LMBR1: variants seen among roughly 807,000 people sequenced by gnomAD.
LMBR1 encodes limb development membrane protein 1.
Under a neutral mutation model 73.9 loss-of-function variants are expected in LMBR1, and 52 were observed. That is an observed-to-expected ratio of 0.70 (90% CI 0.56 to 0.89). LMBR1 has a LOEUF of 0.89. LMBR1 is among the 40% of genes least tolerant of loss of function. LMBR1 has a pLI of 0.00. For missense variants in LMBR1, 539 were observed against 579.8 expected, an observed-to-expected ratio of 0.93 and a Z score of 0.72; for synonymous variants, 215 against 209.4, an observed-to-expected ratio of 1.03 and a Z score of -0.23.
intron 1 of LMBR1, among the ~76,000 whole-genome samples, chr7:156,891,333 A>C (rs1802951345): frequency 6.6e-6 from 1 of 151,294 alleles, no homozygotes; most frequent in Admixed American, 6.6e-5. Context: ...AGTGCCCATC[A>C]ACAGTAAAAT....
At chr7:156,676,604 T>C, downstream of LMBR1, 4 of 1,614,178 alleles carry the variant, frequency 2.5e-6, no homozygotes, top group East Asian at 4.5e-5. Context: ...CTCCTTTCCA[T>C]GCCTGTCCTC....
chr7:156,758,610 T>C (rs559331843), intron 8 of LMBR1, among the ~76,000 whole-genome samples: 2 of 152,252 alleles, frequency 1.3e-5, no homozygotes, highest in East Asian at 1.9e-4. Context: ...TAAAAGAGTA[T>C]GGACCTCTCT....
chr7:156,684,737 G>A (rs914907784), intron 16 of LMBR1, among the ~76,000 whole-genome samples: 2 of 152,206 alleles, frequency 1.3e-5, no homozygotes, highest in Admixed American at 6.5e-5. Flanking sequence ...TGGAAGGATC[G>A]TTTGAGCTGA....
At chr7:156,735,161 G>A (rs1328703182) in intron 9 of LMBR1, among the ~76,000 whole-genome samples, 1 of 152,148 alleles carries the variant, frequency 6.6e-6, no homozygotes, top group Non-Finnish European at 1.5e-5. Flanking sequence ...AGATTGCTGA[G>A]TAGGGTATGA....
rs111554843 is a variant in LMBR1 at position 156,683,978 on chromosome 7, A to C, written c.*100T>G. Reference sequence around the variant, plus strand: ...GCACTGATAGGTCTAGGTTCTGAAGAGGGGCCACGGTTGAATGGAAATGCT... The same window carrying C: ...GCACTGATAGGTCTAGGTTCTGAAGCGGGGCCACGGTTGAATGGAAATGCT... On this transcript the variant is annotated 3_prime_UTR_variant, in exon 17 of 17. Coordinates refer to ENST00000353442, the MANE Select transcript of LMBR1 (RefSeq NM_022458.4). The C allele has an allele frequency of 0.01, 9,486 of 933,722 alleles. 279 individuals carry two copies. Among genetic ancestry groups the C allele is most frequent in the South Asian group, 0.078 (5,498 of 70,282 alleles). 57.8% of individuals were successfully genotyped at this position (933,722 alleles called of 1,614,324 possible). A position where few individuals can be genotyped will look rare whatever the true frequency, so the allele number is the denominator to read the frequency against.
At chr7:156,732,639 C>T (rs1378551032) in intron 10 of LMBR1, among the ~76,000 whole-genome samples, 1 of 152,160 alleles carries the variant, frequency 6.6e-6, no homozygotes, top group Non-Finnish European at 1.5e-5. Flanking sequence ...AAAATAGTTG[C>T]TTCTTCCACA....
intron 1 of LMBR1, among the ~76,000 whole-genome samples, chr7:156,848,760 G>A (rs185447680): frequency 4.6e-5 from 7 of 152,062 alleles, no homozygotes; most frequent in East Asian, 1.9e-4. Context: ...GTGAAACCCC[G>A]TCTCTACTAA....
intron 1 of LMBR1, among the ~76,000 whole-genome samples, chr7:156,889,451 T>C (rs1309170804): frequency 1.3e-5 from 2 of 152,328 alleles, no homozygotes; most frequent in African/African-American, 2.4e-5. Context: ...ATTTTAAAAA[T>C]TGGCAACAGG....
At chr7:156,765,172 T>C (rs1823853177) in intron 5 of LMBR1, among the ~76,000 whole-genome samples, 1 of 152,204 alleles carries the variant, frequency 6.6e-6, no homozygotes, top group East Asian at 1.9e-4. Flanking sequence ...CTATTTAAGA[T>C]GCTGATATGG....
intron 9 of LMBR1, among the ~76,000 whole-genome samples, chr7:156,734,562 A>T (rs1358528262): frequency 6.6e-6 from 1 of 152,178 alleles, no homozygotes; most frequent in East Asian, 1.9e-4. Context: ...TACTCCAGTG[A>T]TGGGTACATT....
chr7:156,778,477 C>T (rs1189922330), intron 5 of LMBR1, among the ~76,000 whole-genome samples: 1 of 152,192 alleles, frequency 6.6e-6, no homozygotes, highest in African/African-American at 2.4e-5. Flanking sequence ...ACCTGTCCAA[C>T]TTAAAATCAA....
chr7:156,870,958 A>C (rs2134312198), intron 1 of LMBR1, among the ~76,000 whole-genome samples: 1 of 152,174 alleles, frequency 6.6e-6, no homozygotes, highest in South Asian at 2.1e-4. Context: ...GAAGTAACAA[A>C]GATTAGAGCA....
chr7:156,811,541 G>A (rs767861214), intron 4 of LMBR1, among the ~76,000 whole-genome samples: 4 of 152,042 alleles, frequency 2.6e-5, no homozygotes, highest in Admixed American at 6.5e-5. Flanking sequence ...CCCGGGAGGC[G>A]GAGGTTGCAG....
intron 5 of LMBR1, among the ~76,000 whole-genome samples, chr7:156,766,616 G>A (rs550156254): frequency 6.6e-6 from 1 of 152,158 alleles, no homozygotes; most frequent in Non-Finnish European, 1.5e-5. Context: ...AAAGAAAGAG[G>A]AGGGGCCCAT....
intron 4 of LMBR1, among the ~76,000 whole-genome samples, chr7:156,810,548 A>G (rs1832919635): frequency 6.6e-6 from 1 of 152,008 alleles, no homozygotes; most frequent in Non-Finnish European, 1.5e-5. Context: ...ATGCACCACC[A>G]CGCCTGGCTA....
chr7:156,813,116 G>A (rs1260454412), intron 4 of LMBR1, among the ~76,000 whole-genome samples: 1 of 152,124 alleles, frequency 6.6e-6, no homozygotes, highest in Non-Finnish European at 1.5e-5. Context: ...GTTGTTTGTA[G>A]ATACAGGGTC....
intron 4 of LMBR1, among the ~76,000 whole-genome samples, chr7:156,821,209 G>A (rs376896104): frequency 6.6e-6 from 1 of 152,174 alleles, no homozygotes; most frequent in Non-Finnish European, 1.5e-5. Flanking sequence ...GGCCCTAAAG[G>A]CACAAGTTAC....
intron 1 of LMBR1, 49 bp downstream of exon 1, chr7:156,892,879 G>A: frequency 1.5e-6 from 2 of 1,362,268 alleles, no homozygotes; most frequent in Non-Finnish European, 9.6e-7. Context: ...GGGACGGAGG[G>A]CCCGGGCGGG....
At chr7:156,786,647 G>C (rs949691721) in intron 5 of LMBR1, among the ~76,000 whole-genome samples, 5 of 152,178 alleles carry the variant, frequency 3.3e-5, no homozygotes, top group African/African-American at 1.2e-4. Flanking sequence ...TAAGAGTTTA[G>C]TTGAAGTGTA....
Sources: allele counts gnomAD v4.1 joint callset (sites outside exome capture counted in the v4.1 genomes callset), GRCh38; gene constraint gnomAD v4.1.1; transcripts MANE v1.5; gene names NCBI Gene and HGNC (gene_info 2026-07-23, HGNC 2026-07-21).